PTPRD: variants seen among roughly 807,000 people sequenced by gnomAD.
PTPRD encodes protein tyrosine phosphatase receptor type D, also known as receptor-type tyrosine-protein phosphatase delta.
PTPRD carries 34 observed loss-of-function variants against 214.5 expected under a neutral mutation model. The ratio of observed to expected loss-of-function variants is 0.16; its 90% CI spans 0.12 to 0.21. The LOEUF (loss-of-function observed/expected upper bound fraction) is 0.21, where lower values mean the gene tolerates loss of function less well. Ranked by LOEUF, PTPRD falls within the 10% of genes least tolerant of loss-of-function variation. PTPRD has a pLI of 1.00. For synonymous variants in PTPRD, 1,128 were observed against 845.7 expected (o/e 1.33, Z -5.79); for missense variants, 2,545 against 2,398.7 (o/e 1.06, Z -1.27).
At chr9:10,471,201 T>C (rs1311675912) in intron 2 of PTPRD, among the ~76,000 whole-genome samples, 1 of 151,962 alleles carries the variant, frequency 6.6e-6, no homozygotes, top group African/African-American at 2.4e-5. Flanking sequence ...ATATAGATGA[T>C]GGGTTGATGG....
At chr9:9,769,297 C>T (rs1299442903) in intron 5 of PTPRD, among the ~76,000 whole-genome samples, 3 of 128,878 alleles carry the variant, frequency 2.3e-5, no homozygotes, top group Non-Finnish European at 5.0e-5. Flanking sequence ...ATTTTGTAAA[C>T]TATGTTTTAA....
intron 9 of PTPRD, among the ~76,000 whole-genome samples, chr9:9,268,078 T>A (rs969597863): frequency 1.3e-5 from 2 of 150,802 alleles, no homozygotes; most frequent in Non-Finnish European, 3.0e-5. Context: ...AAAGAAAAAA[T>A]TGTCTCTGTT....
At chr9:10,550,974 G>A (rs573651183) in intron 2 of PTPRD, among the ~76,000 whole-genome samples, 1 of 152,164 alleles carries the variant, frequency 6.6e-6, no homozygotes, top group East Asian at 1.9e-4. Context: ...TTCTAAACTT[G>A]CCCTTCATAA....
intron 4 of PTPRD, among the ~76,000 whole-genome samples, chr9:10,029,796 G>T (rs369560261): frequency 6.6e-6 from 1 of 152,180 alleles, no homozygotes; most frequent in Non-Finnish European, 1.5e-5. Flanking sequence ...TCGAGGGTCT[G>T]TTAGGAAGAC....
chr9:9,824,358 T>A (rs2051916247), intron 5 of PTPRD, among the ~76,000 whole-genome samples: 1 of 152,030 alleles, frequency 6.6e-6, no homozygotes. Context: ...CTGAATAGAA[T>A]TTGACATAGC....
At chr9:10,352,209 T>A (rs758191882) in intron 2 of PTPRD, among the ~76,000 whole-genome samples, 1 of 152,034 alleles carries the variant, frequency 6.6e-6, no homozygotes, top group African/African-American at 2.4e-5. Flanking sequence ...GAAATCACTG[T>A]ACTAAAATCA....
chr9:8,959,033 A>G (rs562549585), intron 11 of PTPRD, among the ~76,000 whole-genome samples: 4 of 152,068 alleles, frequency 2.6e-5, no homozygotes, highest in Non-Finnish European at 5.9e-5. Flanking sequence ...GGAAGCACGT[A>G]TCTGATTCCA....
intron 7 of PTPRD, among the ~76,000 whole-genome samples, chr9:9,655,986 A>T (rs936794307): frequency 6.6e-6 from 1 of 152,250 alleles, no homozygotes; most frequent in Non-Finnish European, 1.5e-5. Flanking sequence ...TCAAAAAAAT[A>T]AAATGAATAA....
At chr9:9,964,261 C>G (rs749538498) in intron 4 of PTPRD, among the ~76,000 whole-genome samples, 3 of 152,050 alleles carry the variant, frequency 2.0e-5, no homozygotes, top group Non-Finnish European at 4.4e-5. Context: ...AATATTTAAC[C>G]GCTACTAGGA....
chr9:10,459,264 T>C (rs2098940636), intron 2 of PTPRD, among the ~76,000 whole-genome samples: 2 of 151,974 alleles, frequency 1.3e-5, no homozygotes, highest in Admixed American at 1.3e-4. Context: ...TTCCATGGTG[T>C]AGATGTGCCA....
chr9:10,099,655 C>T (rs1037478040), intron 3 of PTPRD, among the ~76,000 whole-genome samples: 5 of 151,680 alleles, frequency 3.3e-5, no homozygotes, highest in Non-Finnish European at 7.4e-5. Flanking sequence ...GAGGTAGCAA[C>T]AATGAAGGCC....
intron 3 of PTPRD, among the ~76,000 whole-genome samples, chr9:10,302,325 A>G (rs1734072315): frequency 6.6e-6 from 1 of 152,224 alleles, no homozygotes; most frequent in Non-Finnish European, 1.5e-5. Flanking sequence ...CCAAATTGTA[A>G]AGACCATCGA....
intron 3 of PTPRD, among the ~76,000 whole-genome samples, chr9:10,135,189 T>C (rs1405199526): frequency 6.6e-6 from 1 of 152,136 alleles, no homozygotes; most frequent in African/African-American, 2.4e-5. Context: ...AGAAAGAATG[T>C]TTAGAAATAA....
intron 11 of PTPRD, among the ~76,000 whole-genome samples, chr9:8,746,554 G>A (rs7853986): frequency 0.75 from 114,094 of 152,176 alleles, 43,126 homozygotes; most frequent in African/African-American, 0.84. Context: ...ATATCAAAAA[G>A]GGAGTTTAAA....
intron 8 of PTPRD, among the ~76,000 whole-genome samples, chr9:9,555,907 A>T (rs2081402241): frequency 6.6e-6 from 1 of 152,142 alleles, no homozygotes; most frequent in African/African-American, 2.4e-5. Flanking sequence ...GAAATTATGC[A>T]TATTAAAACT....
intron 11 of PTPRD, among the ~76,000 whole-genome samples, chr9:8,819,988 A>T (rs574452577): frequency 6.6e-6 from 1 of 152,290 alleles, no homozygotes; most frequent in East Asian, 1.9e-4. Flanking sequence ...CAACATTCTT[A>T]AAGTAGCCAT....
At chr9:9,454,024 C>G (rs2145452834) in intron 8 of PTPRD, among the ~76,000 whole-genome samples, 1 of 151,682 alleles carries the variant, frequency 6.6e-6, no homozygotes, top group South Asian at 2.1e-4. Flanking sequence ...GTTATGTTCC[C>G]TTTTTATATT....
chr9:10,154,925 T>C (rs1475673457), intron 3 of PTPRD, among the ~76,000 whole-genome samples: 3 of 152,160 alleles, frequency 2.0e-5, no homozygotes, highest in Non-Finnish European at 4.4e-5. Flanking sequence ...GTCTTGGTTA[T>C]TCAGCCTCTT....
chr9:8,677,918 G>C (rs549299781), intron 12 of PTPRD, among the ~76,000 whole-genome samples: 1 of 152,022 alleles, frequency 6.6e-6, no homozygotes, highest in East Asian at 1.9e-4. Context: ...TTGATCTGTG[G>C]GGGGTCTTGG....
Sources: gnomAD v4.1 joint callset for allele counts (sites outside exome capture counted in the v4.1 genomes callset) on GRCh38, gnomAD v4.1.1 for gene constraint, MANE v1.5 for transcripts, NCBI Gene and HGNC (gene_info 2026-07-23, HGNC 2026-07-21) for gene names.